SDHB: variants seen among roughly 807,000 people sequenced by gnomAD.
The protein encoded by SDHB is succinate dehydrogenase [ubiquinone] iron-sulfur subunit, mitochondrial.
SDHB carries 21 observed loss-of-function variants against 39.7 expected under a neutral mutation model. The ratio of observed to expected loss-of-function variants is 0.53; its 90% CI spans 0.37 to 0.76. The LOEUF (loss-of-function observed/expected upper bound fraction) is 0.76. Among genes scored for constraint, SDHB ranks in the 30% least tolerant of loss-of-function variants. The pLI, the probability that SDHB is intolerant of heterozygous loss-of-function variation, is 0.00. For synonymous variants in SDHB, 118 were observed against 117.0 expected, an observed-to-expected ratio of 1.01 and a Z score of -0.06; for missense variants, 343 against 350.9, an observed-to-expected ratio of 0.98 and a Z score of 0.18.
intron 2 of SDHB, among the ~76,000 whole-genome samples, chr1:17,036,371 T>C (rs538012331): frequency 6.6e-6 from 1 of 152,126 alleles, no homozygotes; most frequent in Non-Finnish European, 1.5e-5. Context: ...AGTGCAGTGT[T>C]GTGATCACAG....
At chr1:17,031,157 G>T (rs1398508550) in intron 3 of SDHB, among the ~76,000 whole-genome samples, 3 of 152,042 alleles carry the variant, frequency 2.0e-5, no homozygotes, top group Non-Finnish European at 4.4e-5. Flanking sequence ...TAGAAAGAGT[G>T]TAAGGGAACC....
At chr1:17,040,420 AT>A (rs2078073630) in intron 2 of SDHB, among the ~76,000 whole-genome samples, 1 of 151,694 alleles carries the variant, frequency 6.6e-6, no homozygotes, top group Admixed American at 6.6e-5. Context: ...CTTTCTCTCC[AT>A]TTTTTCTGGA....
chr1:17,035,035 A>C (rs999607325), intron 2 of SDHB, among the ~76,000 whole-genome samples: 1 of 152,066 alleles, frequency 6.6e-6, no homozygotes, highest in Non-Finnish European at 1.5e-5. Context: ...GCCTCTGTTT[A>C]CCAGGGTCTT....
intron 7 of SDHB, among the ~76,000 whole-genome samples, chr1:17,022,304 TTC>T (rs1275970559): frequency 3.3e-5 from 5 of 152,042 alleles, no homozygotes; most frequent in Admixed American, 6.6e-5. Context: ...GGCTTTCGCT[TTC>T]TGTTTCCTGG....
chr1:17,038,582 GA>G (rs2078062418), intron 2 of SDHB, among the ~76,000 whole-genome samples: 1 of 152,160 alleles, frequency 6.6e-6, no homozygotes, highest in African/African-American at 2.4e-5. Flanking sequence ...GGACTGGCTA[GA>G]ACCTTCAGTA....
At chr1:17,048,749 C>A (rs1001293246) in intron 1 of SDHB, among the ~76,000 whole-genome samples, 8 of 152,014 alleles carry the variant, frequency 5.3e-5, no homozygotes, top group African/African-American at 1.9e-4. Flanking sequence ...TCACTCTTGT[C>A]CCCCAGGCTG....
Position 17,018,864 on chromosome 1 carries a change from G to A in SDHB, c.*17C>T, listed in dbSNP as rs780627760. On this transcript the variant is annotated 3_prime_UTR_variant, in exon 8 of 8. Coordinates refer to ENST00000375499, the MANE Select transcript of SDHB (RefSeq NM_003000.3). ...CAGCTCTGAGCTGGTTATAAATCAT[G>A]TTTAGCATGGAAACAGTTAAACTGA... The A allele has an allele frequency of 8.2e-6, 13 of 1,580,288 alleles. No homozygotes were observed. In the South Asian group the frequency reaches 1.0e-4, roughly 12 times the overall value.
chr1:17,021,999 A>C (rs1005446285), intron 7 of SDHB, among the ~76,000 whole-genome samples: 1 of 152,180 alleles, frequency 6.6e-6, no homozygotes, highest in African/African-American at 2.4e-5. Flanking sequence ...CAGGCATGAG[A>C]AGGTGAGCTG....
chr1:17,043,210 C>T (rs2078091276), intron 2 of SDHB, among the ~76,000 whole-genome samples: 1 of 152,022 alleles, frequency 6.6e-6, no homozygotes, highest in Admixed American at 6.6e-5. Flanking sequence ...ATCCACCTGC[C>T]TCGGCTTCCC....
chr1:17,052,893 G>A (rs1457239826), intron 1 of SDHB, among the ~76,000 whole-genome samples: 3 of 152,148 alleles, frequency 2.0e-5, no homozygotes, highest in Admixed American at 1.3e-4. Context: ...ATGCTAAGGA[G>A]TTTTTCTGGT....
intron 2 of SDHB, among the ~76,000 whole-genome samples, chr1:17,044,191 TA>T (rs1240321849): frequency 6.6e-6 from 1 of 152,144 alleles, no homozygotes; most frequent in Non-Finnish European, 1.5e-5. Flanking sequence ...CATTCAGCAT[TA>T]AAAAAATGGT....
chr1:17,043,774 G>A (rs2078093984), intron 2 of SDHB, among the ~76,000 whole-genome samples: 1 of 152,226 alleles, frequency 6.6e-6, no homozygotes, highest in African/African-American at 2.4e-5. Context: ...GAGCCAAGGA[G>A]TGCGGCAGCC....
At chr1:17,022,864 A>G in intron 6 of SDHB, 134 bp from the exon 7 acceptor site, 1 of 1,097,518 alleles carries the variant, frequency 9.1e-7, no homozygotes, top group South Asian at 1.3e-5. Context: ...ATACTCTTTA[A>G]TTCTTGTCCA....
At chr1:17,021,346 G>A (rs1179315043) in intron 7 of SDHB, among the ~76,000 whole-genome samples, 1 of 152,208 alleles carries the variant, frequency 6.6e-6, no homozygotes, top group Non-Finnish European at 1.5e-5. Context: ...TACTCAGGAG[G>A]TAGGAGGATC....
intron 2 of SDHB, among the ~76,000 whole-genome samples, chr1:17,034,967 C>T (rs541984271): frequency 2.2e-4 from 33 of 152,228 alleles, no homozygotes; most frequent in African/African-American, 6.3e-4. Context: ...ACCACCTGCC[C>T]GCACAAAGCT....
chr1:17,029,027 G>A (rs2078007198), intron 3 of SDHB, among the ~76,000 whole-genome samples: 1 of 150,742 alleles, frequency 6.6e-6, no homozygotes, highest in Non-Finnish European at 1.5e-5. Context: ...GGGCGCTGCT[G>A]GCACCATGGA....
intron 2 of SDHB, among the ~76,000 whole-genome samples, chr1:17,033,591 CCCCAGTCAAATCA>C (rs1157758091): frequency 2.6e-5 from 4 of 152,180 alleles, no homozygotes; most frequent in East Asian, 1.9e-4. Context: ...ACTCACAGTC[CCCCAGTCAAATCA>C]CTGTGAGCCT....
intron 1 of SDHB, among the ~76,000 whole-genome samples, chr1:17,046,872 C>T (rs2078113038): frequency 6.6e-6 from 1 of 152,036 alleles, no homozygotes; most frequent in Non-Finnish European, 1.5e-5. Flanking sequence ...CATGTGCTAC[C>T]AGGCCCGGCT....
rs1570945857 is a variant in SDHB at position 17,024,022 on chromosome 1, C to A, written c.593G>T (p.Ser198Ile). 6.2e-7 allele frequency: 1 copy of A among 1,614,042 alleles called. No individual in the cohort carries two copies. The highest frequency in any genetic ancestry group is 8.5e-7 in the Non-Finnish European group (1 of 1,180,014). ...ATATTTGTCTCCGTTCCACCAGTAG[C>A]TGGGGCAGCTGGTGCTACAGCAGGC... ...LCACCSTSCP[S>I]YWWNGDKYLG... The change falls in exon 6 of 8, where the codon AGC becomes ATC. Residue 198 changes from serine to isoleucine, a missense_variant. By Grantham distance (142) the Ser-to-Ile change is moderately radical (BLOSUM62 -2). Coordinates refer to ENST00000375499, the MANE Select transcript of SDHB (RefSeq NM_003000.3).
Sources: allele counts gnomAD v4.1 joint callset (sites outside exome capture counted in the v4.1 genomes callset), GRCh38; gene constraint gnomAD v4.1.1; transcripts MANE v1.5; gene names NCBI Gene and HGNC (gene_info 2026-07-23, HGNC 2026-07-21).